The following PRAG1 variants were observed in gnomAD, a reference collection of about 807,000 sequenced individuals.
The protein encoded by PRAG1 is PEAK1 related, kinase-activating pseudokinase 1.
A neutral mutation model predicts 95.6 loss-of-function variants in PRAG1; 110 were observed. That is an observed-to-expected ratio of 1.15 (90% CI 0.99 to 1.35). The LOEUF is 1.35. Ranked by LOEUF, PRAG1 falls within the 40% of genes most tolerant of loss-of-function variation. The pLI, the probability that PRAG1 is intolerant of heterozygous loss-of-function variation, is 0.00. For synonymous variants in PRAG1, 1,052 were observed against 819.4 expected (o/e 1.28, Z -4.85); for missense variants, 2,554 against 1,864.7 (o/e 1.37, Z -6.81).
At chr8:8,385,320 A>C (rs1381375678) in intron 1 of PRAG1, among the ~76,000 whole-genome samples, 1 of 152,170 alleles carries the variant, frequency 6.6e-6, no homozygotes, top group African/African-American at 2.4e-5. Context: ...CAGAGGGTAA[A>C]TTACGATATT....
chr8:8,331,749 T>C (rs895489001), intron 4 of PRAG1, among the ~76,000 whole-genome samples: 1 of 152,192 alleles, frequency 6.6e-6, no homozygotes, highest in Admixed American at 6.5e-5. Flanking sequence ...ACCCTTCGTG[T>C]ATTCAGGCAG....
chr8:8,358,656 T>A (rs1799754897), intron 3 of PRAG1, among the ~76,000 whole-genome samples: 1 of 152,246 alleles, frequency 6.6e-6, no homozygotes. Flanking sequence ...AAAAGTTTTC[T>A]CAGCAAGACA....
intron 4 of PRAG1, among the ~76,000 whole-genome samples, chr8:8,331,784 C>G (rs1455226652): frequency 1.3e-5 from 2 of 152,172 alleles, no homozygotes; most frequent in Non-Finnish European, 2.9e-5. Flanking sequence ...TTTTGTCCTT[C>G]CCTCTGTTTT....
intron 3 of PRAG1, among the ~76,000 whole-genome samples, chr8:8,341,849 A>G (rs1349817848): frequency 6.6e-6 from 1 of 152,192 alleles, no homozygotes; most frequent in African/African-American, 2.4e-5. Flanking sequence ...TTATAAAATG[A>G]CGGCCGGATA....
intron 3 of PRAG1, among the ~76,000 whole-genome samples, chr8:8,342,063 G>A (rs1018171979): frequency 7.2e-5 from 11 of 152,044 alleles, no homozygotes; most frequent in Non-Finnish European, 1.5e-4. Flanking sequence ...CCAAGGAGGC[G>A]GAGGTTGCAG....
In PRAG1 at chr8:8,318,475, C is replaced by G. The variant is rs1798351925; in HGVS notation, c.3900G>C (p.Leu1300=). The change falls in exon 6 of 6, where the codon CTG becomes CTC. Residue 1300 remains leucine (L), a synonymous_variant. Transcript: ENST00000615670. This position sits in a 1 kb window ranked among gnomAD's most constrained non-coding sequence, Gnocchi z 4.2. ...CCAGTAGCAGATGTGCCAGCTGCTG[C>G]AGGCCGGGTGAGTAGAGGGACAGCG... ...LPALSLYSPG[L]QQLAHLLLEA... is the part of the protein sequence containing the mutation. 1 of 1,612,222 alleles carries G rather than the reference C, an allele frequency of 6.2e-7. No individual in the cohort carries two copies. Among genetic ancestry groups the G allele is most frequent in the Non-Finnish European group, 8.5e-7 (1 of 1,179,764 alleles).
At chr8:8,322,870 T>C (rs1014804951) in intron 5 of PRAG1, among the ~76,000 whole-genome samples, 8 of 152,296 alleles carry the variant, frequency 5.3e-5, no homozygotes, top group South Asian at 2.1e-4. Flanking sequence ...CATGTATTGA[T>C]TGATAACTGT....
At chr8:8,342,191 T>C (rs1346651479) in intron 3 of PRAG1, among the ~76,000 whole-genome samples, 1 of 151,442 alleles carries the variant, frequency 6.6e-6, no homozygotes, top group East Asian at 1.9e-4. Flanking sequence ...AATTATCTCA[T>C]GTAATTTTTT....
intron 4 of PRAG1, 135 bp downstream of exon 4, chr8:8,339,343 A>C (rs1356397224): frequency 1.1e-6 from 1 of 913,630 alleles, no homozygotes; most frequent in African/African-American, 1.7e-5. Flanking sequence ...AGCTCCCTGG[A>C]AGAGTCTACT....
rs181150837 is a variant in PRAG1, at chr8:8,370,003, C to T, written c.2162+6244G>A. On this transcript the variant is annotated intron_variant, in intron 3 of 5. Coordinates refer to ENST00000615670, the MANE Select transcript of PRAG1 (RefSeq NM_001080826.3). ...ACCCCAGTAACTGGCTTTTTAGCGC[C>T]TTGCACAGAGCCCACTCAAAAGTAG... Among the ~76,000 whole-genome samples the T allele has an allele frequency of 6.8e-3, 1,035 of 152,294 alleles. 46 individuals are homozygous for T. Among genetic ancestry groups the T allele is most frequent in the Admixed American group, 0.063 (970 of 15,280 alleles).
At chr8:8,341,724 G>C (rs1423190179) in intron 3 of PRAG1, among the ~76,000 whole-genome samples, 1 of 152,184 alleles carries the variant, frequency 6.6e-6, no homozygotes, top group Non-Finnish European at 1.5e-5. Context: ...GCTGGATTCA[G>C]TTTTACTCAT....
At chr8:8,356,164 T>C (rs1286152888) in intron 3 of PRAG1, among the ~76,000 whole-genome samples, 1 of 152,118 alleles carries the variant, frequency 6.6e-6, no homozygotes, top group African/African-American at 2.4e-5. Flanking sequence ...AACAGATAAA[T>C]GAAAAGGTGT....
chr8:8,334,713 A>C (rs2945908), intron 4 of PRAG1, among the ~76,000 whole-genome samples: 43,946 of 149,102 alleles, frequency 0.29, 8,686 homozygotes, highest in African/African-American at 0.56. Context: ...TCCTGGAATT[A>C]TGATCTTTCA....
chr8:8,322,179 T>C (rs965971218), intron 5 of PRAG1, among the ~76,000 whole-genome samples: 10 of 152,090 alleles, frequency 6.6e-5, no homozygotes, highest in Non-Finnish European at 1.3e-4. Flanking sequence ...AGTTTTGTTT[T>C]GTTTTGTTTT....
At chr8:8,323,914 G>A (rs919424640) in intron 5 of PRAG1, among the ~76,000 whole-genome samples, 7 of 152,160 alleles carry the variant, frequency 4.6e-5, no homozygotes, top group Admixed American at 2.0e-4. Flanking sequence ...AATTTGAGCG[G>A]GTAGATGATT....
intron 3 of PRAG1, among the ~76,000 whole-genome samples, chr8:8,357,328 C>T (rs1373138659): frequency 1.3e-5 from 2 of 152,080 alleles, no homozygotes; most frequent in African/African-American, 4.8e-5. Flanking sequence ...ACACTTAAAA[C>T]TCAACAACAA....
At chr8:8,366,115 G>C (rs1347762899) in intron 3 of PRAG1, among the ~76,000 whole-genome samples, 1 of 152,110 alleles carries the variant, frequency 6.6e-6, no homozygotes, top group Non-Finnish European at 1.5e-5. Flanking sequence ...AAACTTAATA[G>C]TAACTGTTAT....
In PRAG1 at chr8:8,328,129, C is replaced by A; in HGVS notation, c.2653G>T (p.Ala885Ser). 1 of 1,614,112 alleles carries A rather than the reference C, an allele frequency of 6.2e-7. No individual in the cohort carries two copies. Among genetic ancestry groups the A allele is most frequent in the East Asian group, 2.2e-5 (1 of 44,886 alleles). Residue 885 changes from alanine to serine, a missense_variant, in exon 5 of 6, where the codon GCT becomes TCT. By Grantham distance (99) the Ala-to-Ser change is moderately conservative. Coordinates refer to ENST00000615670, the MANE Select transcript of PRAG1 (RefSeq NM_001080826.3). Reference protein sequence around the residue: ...VFSSSDPLEKAFKGSGHWLPA... With the variant: ...VFSSSDPLEKSFKGSGHWLPA... ...AGCCAGTGGCCACTGCCTTTGAAAG[C>A]TTTCTCCAGAGGATCGGAAGAGGAG...
intron 4 of PRAG1, among the ~76,000 whole-genome samples, chr8:8,330,667 C>T (rs1302702586): frequency 2.6e-5 from 4 of 152,148 alleles, no homozygotes; most frequent in Admixed American, 6.5e-5. Context: ...GAAGAAATAG[C>T]GAGCCAGAAG....
Sources: gnomAD v4.1 joint callset for allele counts (sites outside exome capture counted in the v4.1 genomes callset) on GRCh38, gnomAD v4.1.1 for gene constraint, Gnocchi (gnomAD v3.1) non-coding constraint, MANE v1.5 for transcripts, NCBI Gene and HGNC (gene_info 2026-07-23, HGNC 2026-07-21) for gene names.